The following ACTR1A variants were observed in gnomAD, a reference collection of about 807,000 sequenced individuals.
ACTR1A encodes the protein actin related protein 1A.
Under a neutral mutation model 50.7 loss-of-function variants are expected in ACTR1A, and 10 were observed. The ratio of observed to expected loss-of-function variants is 0.20; its 90% CI spans 0.12 to 0.33. The LOEUF is 0.33. ACTR1A is among the 10% of genes least tolerant of loss of function. The pLI is 1.00. For missense variants in ACTR1A, 253 were observed against 491.7 expected, an observed-to-expected ratio of 0.51 and a Z score of 4.59; for synonymous variants, 177 against 184.2, an observed-to-expected ratio of 0.96 and a Z score of 0.32.
chr10:102,481,920 C>A (rs748193512), intron 8 of ACTR1A, 22 bp from the exon 9 acceptor site: 11 of 1,613,254 alleles, frequency 6.8e-6, no homozygotes, highest in African/African-American at 1.3e-5. Flanking sequence ...AAGAGGAGAA[C>A]TTCAAGTCAA....
chr10:102,484,084 C>T lies in ACTR1A; in HGVS notation c.657+76G>A, dbSNP rs1164665544. Reference sequence around the variant, plus strand: ...CAGGCAGGTGCTTTGCCTGGCTTCACTGGCAGGTCACCAAGGTCCTGGGTG... The same window carrying T: ...CAGGCAGGTGCTTTGCCTGGCTTCATTGGCAGGTCACCAAGGTCCTGGGTG... On this transcript the variant is annotated intron_variant, in intron 6 of 10. Transcript: ENST00000369905. 2.7e-6 allele frequency: 4 copies of T among 1,457,036 alleles called. No individual in the cohort carries two copies. The East Asian group carries it at 6.9e-5, about 25-fold the overall frequency. 90.3% of individuals were successfully genotyped at this position (1,457,036 alleles called of 1,614,324 possible).
At chr10:102,491,977 G>T (rs1233774920) in intron 1 of ACTR1A, among the ~76,000 whole-genome samples, 1 of 143,554 alleles carries the variant, frequency 7.0e-6, no homozygotes, top group Non-Finnish European at 1.5e-5. Context: ...CACCGTGTTA[G>T]CCAGGATGAT....
At position 102,488,228 on chromosome 10, in the gene ACTR1A, G is replaced by A. The variant is rs867452227; in HGVS notation, c.237C>T (p.Ile79=). The part of the protein sequence containing the change: ...LSIRYPMEHG[I]VKDWNDMERI... ...GTTCCATGTCGTTCCAATCCTTGAC[G>A]ATGCCATGCTCCATGGGATAGCGGA... The change falls in exon 4 of 11, where the codon ATC becomes ATT. Residue 79 remains isoleucine (I), a synonymous_variant. Transcript: ENST00000369905. This position sits in a 1 kb window ranked among gnomAD's most constrained non-coding sequence, Gnocchi z 4.4. The A allele has an allele frequency of 2.5e-6, 4 of 1,614,060 alleles. No individual in the cohort carries two copies. Among genetic ancestry groups the A allele is most frequent in the Non-Finnish European group, 1.7e-6 (2 of 1,179,968 alleles).
chr10:102,493,001 C>CAA (rs398014648), intron 1 of ACTR1A, among the ~76,000 whole-genome samples: 3,890 of 48,014 alleles, frequency 0.081, 558 homozygotes, highest in African/African-American at 0.18. Context: ...GACTCCACCT[C>CAA]AAAAAAAAAA....
intron 4 of ACTR1A, among the ~76,000 whole-genome samples, chr10:102,486,355 C>T (rs2062167989): frequency 6.6e-6 from 1 of 152,128 alleles, no homozygotes; most frequent in African/African-American, 2.4e-5. Context: ...AGAAACTAGT[C>T]CCTGGTGCCA....
chr10:102,493,111 G>A (rs183793076), intron 1 of ACTR1A, among the ~76,000 whole-genome samples: 2 of 151,686 alleles, frequency 1.3e-5, no homozygotes, highest in East Asian at 3.9e-4. Context: ...GCCAACAGAA[G>A]AGAGTGAAAA....
chr10:102,486,476 G>C (rs2062168625), intron 4 of ACTR1A, among the ~76,000 whole-genome samples: 1 of 152,012 alleles, frequency 6.6e-6, no homozygotes, highest in Non-Finnish European at 1.5e-5. Flanking sequence ...GATCATCTGA[G>C]GTCGGGAGTT....
rs112896171 is a variant in ACTR1A, at chr10:102,495,829, C to T, written c.49-5216G>A. Among the ~76,000 whole-genome samples, 1,249 of 143,168 alleles carry T rather than the reference C, an allele frequency of 8.7e-3. 10 individuals carry two copies. The highest frequency in any genetic ancestry group is 0.013 in the Admixed American group (183 of 14,080). 93.9% of individuals were successfully genotyped at this position (143,168 alleles called of 152,430 possible). A position where few individuals can be genotyped will look rare whatever the true frequency, so the allele number is the denominator to read the frequency against. ...AGGCTGGAGTGCAGTGGCGTGATCT[C>T]GGCTCACTGCAAGCTCCGCCTCCCG... On this transcript the variant is annotated intron_variant, in intron 1 of 10. Coordinates refer to ENST00000369905, the MANE Select transcript of ACTR1A (RefSeq NM_005736.4).
chr10:102,502,704 G>A lies in ACTR1A; in HGVS notation c.-57C>T. On this transcript the variant is annotated 5_prime_UTR_variant, in exon 1 of 11. Coordinates refer to ENST00000369905, the MANE Select transcript of ACTR1A (RefSeq NM_005736.4). The stretch of plus-strand genomic sequence containing the variant: ...CTGCCCAGCCGGGTCCGCCGCTAGC[G>A]CCACTGACACGCATGCGCAGTCTAG... 6.3e-7 allele frequency: 1 copy of A among 1,594,404 alleles called. No individual in the cohort carries two copies. The highest frequency in any genetic ancestry group is 8.6e-7 in the Non-Finnish European group (1 of 1,162,902).
intron 2 of ACTR1A, 94 bp downstream of exon 2, chr10:102,490,455 T>C: frequency 1.0e-6 from 1 of 965,994 alleles, no homozygotes; most frequent in Non-Finnish European, 1.6e-6. Context: ...TGTTTTCCTT[T>C]GTTGACTCCA....
intron 1 of ACTR1A, among the ~76,000 whole-genome samples, chr10:102,501,784 T>C (rs1232121059): frequency 6.6e-6 from 1 of 152,230 alleles, no homozygotes; most frequent in Non-Finnish European, 1.5e-5. Context: ...CTCGAATGTA[T>C]GTGAAAACGC....
At chr10:102,490,680 A>G (rs2062187678) in intron 1 of ACTR1A, 67 bp from the exon 2 acceptor site, 1 of 1,186,188 alleles carries the variant, frequency 8.4e-7, no homozygotes, top group African/African-American at 1.5e-5. Context: ...AATACATTAT[A>G]TGGTACCATT....
intron 1 of ACTR1A, among the ~76,000 whole-genome samples, chr10:102,495,028 C>G (rs1378439787): frequency 6.6e-6 from 1 of 151,994 alleles, no homozygotes; most frequent in Admixed American, 6.6e-5. Flanking sequence ...CCAGGCTGGT[C>G]TCGAACTCCT....
intron 5 of ACTR1A, among the ~76,000 whole-genome samples, chr10:102,485,180 A>G (rs2062161046): frequency 6.6e-6 from 1 of 151,998 alleles, no homozygotes; most frequent in Admixed American, 6.5e-5. Flanking sequence ...TAGGAGTGTG[A>G]CAGGAGCCAC....
rs2062150955 is a variant in ACTR1A at position 102,482,953 on chromosome 10, T to C, written c.750+58A>G. On this transcript the variant is annotated intron_variant, in intron 7 of 10. Transcript: ENST00000369905. This position sits in a 1 kb window ranked among gnomAD's most constrained non-coding sequence, Gnocchi z 5.6. ...TCCAGACCCTGATGGAGAATTCTGG[T>C]TGGGCCCAGAGCTTTTGTGGACCTA... 4 of 1,394,008 alleles carry C rather than the reference T, an allele frequency of 2.9e-6. No individual in the cohort carries two copies. The highest frequency in any genetic ancestry group is 1.4e-5 in the African/African-American group (1 of 70,474). The allele number at this position is 1,394,008 out of a possible 1,614,324, so 86.4% of individuals were successfully genotyped here. A position where few individuals can be genotyped will look rare whatever the true frequency, so the allele number is the denominator to read the frequency against.
At chr10:102,500,335 C>T (rs1335587179) in intron 1 of ACTR1A, among the ~76,000 whole-genome samples, 1 of 151,762 alleles carries the variant, frequency 6.6e-6, no homozygotes, top group African/African-American at 2.4e-5. Context: ...TTTGGGAGGC[C>T]GAGGTGGGCG....
chr10:102,492,511 T>A (rs193174575), intron 1 of ACTR1A, among the ~76,000 whole-genome samples: 74 of 152,316 alleles, frequency 4.9e-4, no homozygotes, highest in African/African-American at 1.6e-3. Flanking sequence ...GTGTGGTATT[T>A]ACTGACCTCA....
chr10:102,485,570 C>T (rs1197762400), intron 5 of ACTR1A, 39 bp downstream of exon 5: 1 of 1,610,458 alleles, frequency 6.2e-7, no homozygotes, highest in Admixed American at 1.7e-5. Context: ...CAAAGGACTG[C>T]TTTCCCCGCA....
chr10:102,482,977 TA>T lies in ACTR1A; in HGVS notation c.750+33del. 6.4e-7 allele frequency: 1 copy of T among 1,557,690 alleles called. No individual in the cohort carries two copies. The highest frequency in any genetic ancestry group is 8.9e-7 in the Non-Finnish European group (1 of 1,128,920). ...GTTGGGCCCAGAGCTTTTGTGGACC[TA>T]AGGGGACCGAAGAAAGAAGGCAGGC... On this transcript the variant is annotated intron_variant, in intron 7 of 10. Transcript: ENST00000369905. The surrounding 1 kb of genome is among the most constrained non-coding windows in gnomAD (Gnocchi z 5.6).
Sources: gnomAD v4.1 joint callset for allele counts (sites outside exome capture counted in the v4.1 genomes callset) on GRCh38, gnomAD v4.1.1 for gene constraint, Gnocchi (gnomAD v3.1) non-coding constraint, MANE v1.5 for transcripts, NCBI Gene and HGNC (gene_info 2026-07-23, HGNC 2026-07-21) for gene names.